The following DDC variants were observed in gnomAD, a reference collection of about 807,000 sequenced individuals.
DDC encodes the protein aromatic-L-amino-acid decarboxylase.
DDC carries 43 observed loss-of-function variants against 60.0 expected under a neutral mutation model. The observed-to-expected ratio is 0.72, with a 90% CI of 0.56 to 0.92. The LOEUF is 0.92. DDC is among the 40% of genes least tolerant of loss of function. DDC has a pLI of 0.00. For missense variants in DDC, 573 were observed against 620.2 expected, an observed-to-expected ratio of 0.92 and a Z score of 0.81; for synonymous variants, 232 against 234.6, an observed-to-expected ratio of 0.99 and a Z score of 0.10.
chr7:50,469,450 C>T (rs2042480402), intron 12 of DDC, among the ~76,000 whole-genome samples: 1 of 152,036 alleles, frequency 6.6e-6, no homozygotes, highest in Admixed American at 6.5e-5. Flanking sequence ...CTTATTCTGG[C>T]AATTTTGGGG....
At chr7:50,505,270 A>G (rs1331003113) in intron 6 of DDC, among the ~76,000 whole-genome samples, 1 of 152,218 alleles carries the variant, frequency 6.6e-6, no homozygotes. Flanking sequence ...GCTGAAACCT[A>G]TTGCTGAATT....
At chr7:50,538,137 C>T (rs2044480323) in intron 3 of DDC, among the ~76,000 whole-genome samples, 158 bp from the exon 4 acceptor site, 1 of 152,168 alleles carries the variant, frequency 6.6e-6, no homozygotes. Flanking sequence ...GACCTAGAAT[C>T]ATGCAAGGAG....
chr7:50,547,710 C>T (rs1483968591), intron 1 of DDC, among the ~76,000 whole-genome samples: 1 of 152,178 alleles, frequency 6.6e-6, no homozygotes, highest in African/African-American at 2.4e-5. Context: ...GAGTCACACC[C>T]TGATTCTATG....
At chr7:50,463,914 TC>T (rs2042340063) in intron 13 of DDC, among the ~76,000 whole-genome samples, 1 of 152,012 alleles carries the variant, frequency 6.6e-6, no homozygotes, top group Admixed American at 6.6e-5. Flanking sequence ...CACTGGTGCC[TC>T]TCCAGACAAG....
chr7:50,513,295 C>T (rs1240813692), intron 6 of DDC, among the ~76,000 whole-genome samples: 1 of 152,144 alleles, frequency 6.6e-6, no homozygotes, highest in Non-Finnish European at 1.5e-5. Context: ...GAGCAAAATA[C>T]AGGGGTAGAG....
At chr7:50,461,487 A>G (rs563690549) in intron 14 of DDC, among the ~76,000 whole-genome samples, 17 of 152,358 alleles carry the variant, frequency 1.1e-4, no homozygotes, top group African/African-American at 3.6e-4. Flanking sequence ...TCTACAGCAA[A>G]TATAATGACT....
intron 9 of DDC, among the ~76,000 whole-genome samples, chr7:50,480,408 G>C (rs775174429): frequency 8.5e-4 from 129 of 152,284 alleles, no homozygotes; most frequent in Non-Finnish European, 1.3e-3. Context: ...TTTATAACCT[G>C]TAAACCTAAG....
intron 11 of DDC, among the ~76,000 whole-genome samples, chr7:50,472,619 C>T (rs1217833394): frequency 2.0e-5 from 3 of 152,160 alleles, no homozygotes; most frequent in Non-Finnish European, 4.4e-5. Flanking sequence ...GTCTCCTCCC[C>T]TATGAAACAG....
chr7:50,492,622 T>A (rs958766865), intron 9 of DDC: 13 of 1,050,882 alleles, frequency 1.2e-5, no homozygotes, highest in Non-Finnish European at 1.6e-5. Flanking sequence ...TGTGGCAGAC[T>A]TCCAGACACC....
intron 9 of DDC, among the ~76,000 whole-genome samples, chr7:50,492,494 T>A (rs1010529706): frequency 6.6e-6 from 1 of 152,068 alleles, no homozygotes; most frequent in Non-Finnish European, 1.5e-5. Flanking sequence ...TTTAAAAACA[T>A]ATTTTGTAGC....
chr7:50,520,688 C>T (rs987332628), intron 6 of DDC, among the ~76,000 whole-genome samples: 8 of 152,014 alleles, frequency 5.3e-5, no homozygotes, highest in Non-Finnish European at 8.8e-5. Context: ...CCGAGGCAGG[C>T]GGATCACCTG....
At chr7:50,493,041 T>C in intron 9 of DDC, 1 of 1,535,990 alleles carries the variant, frequency 6.5e-7, no homozygotes, top group Non-Finnish European at 8.9e-7. Context: ...ACACTCCTTC[T>C]TATCGTGTGT....
chr7:50,508,676 C>T (rs867293324), intron 6 of DDC, among the ~76,000 whole-genome samples: 1 of 152,182 alleles, frequency 6.6e-6, no homozygotes, highest in African/African-American at 2.4e-5. Context: ...GGATCTACAG[C>T]CCCTTTGAGA....
intron 1 of DDC, among the ~76,000 whole-genome samples, chr7:50,545,332 G>A (rs1413159819): frequency 1.3e-5 from 2 of 152,194 alleles, no homozygotes; most frequent in African/African-American, 2.4e-5. Flanking sequence ...AGGAGAATTT[G>A]CATAGGTGGA....
chr7:50,558,412 C>T (rs73125225), intron 1 of DDC, among the ~76,000 whole-genome samples: 13,060 of 152,168 alleles, frequency 0.086, 866 homozygotes, highest in South Asian at 0.14. Context: ...CCCTATTCCT[C>T]ATATTGAACA....
intron 2 of DDC, among the ~76,000 whole-genome samples, chr7:50,542,040 G>A (rs2044649128): frequency 1.3e-5 from 2 of 152,132 alleles, no homozygotes; most frequent in Admixed American, 1.3e-4. Flanking sequence ...AGGCTGAGAG[G>A]CCGAGAGGAG....
intron 3 of DDC, 187 bp downstream of exon 3, chr7:50,539,728 T>C (rs2044550801): frequency 1.7e-6 from 1 of 601,444 alleles, no homozygotes. Flanking sequence ...CTTTCTCTGT[T>C]CTCAATCGCT....
intron 3 of DDC, 178 bp downstream of exon 3, chr7:50,539,737 C>T (rs1264441259): frequency 3.2e-6 from 2 of 616,622 alleles, no homozygotes; most frequent in Non-Finnish European, 5.9e-6. Context: ...TTCTCAATCG[C>T]TACTTTCTCA....
intron 10 of DDC, among the ~76,000 whole-genome samples, chr7:50,479,160 G>A (rs1467525456): frequency 6.6e-6 from 1 of 152,176 alleles, no homozygotes; most frequent in East Asian, 1.9e-4. Context: ...CCGTGCTGTG[G>A]CCCCAGAGCA....
Sources: allele counts gnomAD v4.1 joint callset (sites outside exome capture counted in the v4.1 genomes callset), GRCh38; gene constraint gnomAD v4.1.1; transcripts MANE v1.5; gene names NCBI Gene and HGNC (gene_info 2026-07-23, HGNC 2026-07-21).